The following SRGAP2C variants were observed in gnomAD, a reference collection of about 807,000 sequenced individuals.
SRGAP2C encodes the protein SLIT-ROBO Rho GTPase activating protein 2C.
SRGAP2C carries 15 observed loss-of-function variants against 25.1 expected under a neutral mutation model. The observed-to-expected ratio is 0.60, with a 90% CI of 0.40 to 0.92. The LOEUF (loss-of-function observed/expected upper bound fraction) is 0.92, where lower values mean the gene tolerates loss of function less well. SRGAP2C is among the 40% of genes least tolerant of loss of function. The probability of loss-of-function intolerance (pLI) is 0.00; values close to 1 mark genes in which losing one functional copy is unlikely to be tolerated. For synonymous variants in SRGAP2C, 44 were observed against 96.6 expected (o/e 0.46, Z 3.19); for missense variants, 144 against 264.4 (o/e 0.54, Z 3.16).
rs1463106892 is a variant in SRGAP2C, at chr1:121,360,790, G to C, written c.424-4503G>C. The stretch of plus-strand genomic sequence containing the variant: ...ATGTATGGTGGTGCTTCTGCTGCCA[G>C]AGCTTAATACAGGGTCATGTTCCTT... On this transcript the variant is annotated intron_variant, in intron 4 of 9. Transcript: ENST00000367123. 3.5e-5 allele frequency: 5 copies of C among 142,676 alleles called. No homozygotes were observed. In the East Asian group the frequency reaches 1.1e-3, roughly 31 times the overall value. The allele number at this position is 142,676 out of a possible 1,614,324, so 8.8% of individuals were successfully genotyped here.
rs1217382493 is a variant in SRGAP2C at position 121,303,433 on chromosome 1, C to A, written c.260+18438C>A. On this transcript the variant is annotated intron_variant, in intron 3 of 9. Transcript: ENST00000367123. ...CTGTGTCTTATTGATATGTCCCCAT[C>A]GTTCTTTGAGCACTTCCTTACTTTG... Among the ~76,000 whole-genome samples the A allele has an allele frequency of 5.3e-3, 800 of 152,090 alleles. 10 individuals are homozygous for A. The highest frequency in any genetic ancestry group is 0.018 in the African/African-American group (744 of 41,452).
At chr1:121,272,462 T>C (rs1185844287) in intron 2 of SRGAP2C, among the ~76,000 whole-genome samples, 1 of 151,560 alleles carries the variant, frequency 6.6e-6, no homozygotes, top group Non-Finnish European at 1.5e-5. Flanking sequence ...GGCATGGACT[T>C]TTTCCTGCTA....
intron 3 of SRGAP2C, among the ~76,000 whole-genome samples, chr1:121,300,144 A>C (rs1657672343): frequency 7.2e-6 from 1 of 138,836 alleles, no homozygotes; most frequent in Admixed American, 7.3e-5. Flanking sequence ...ATACATGTGC[A>C]TACAAATACA....
intron 3 of SRGAP2C, among the ~76,000 whole-genome samples, chr1:121,287,552 A>G (rs1191795316): frequency 2.6e-5 from 4 of 151,684 alleles, no homozygotes; most frequent in Admixed American, 6.6e-5. Flanking sequence ...TTAAAATAGC[A>G]TTTGATTTTT....
chr1:121,345,348 A>G (rs1553343544), intron 4 of SRGAP2C, among the ~76,000 whole-genome samples: 2 of 152,132 alleles, frequency 1.3e-5, no homozygotes, highest in African/African-American at 4.8e-5. Flanking sequence ...GATTTTACCA[A>G]GAGAGTGCCA....
intron 2 of SRGAP2C, among the ~76,000 whole-genome samples, chr1:121,259,879 G>C (rs1466735250): frequency 8.3e-6 from 1 of 119,954 alleles, no homozygotes; most frequent in South Asian, 2.8e-4. Context: ...AAGAGACAAG[G>C]TCTCTCTCTC....
intron 3 of SRGAP2C, among the ~76,000 whole-genome samples, chr1:121,289,372 G>A (rs1398027656): frequency 2.6e-5 from 4 of 151,762 alleles, no homozygotes; most frequent in Admixed American, 1.3e-4. Flanking sequence ...ATTGCCCGGG[G>A]CCAGCAGGGC....
chr1:121,236,027 G>T (rs1388478529), intron 2 of SRGAP2C, among the ~76,000 whole-genome samples: 2 of 135,016 alleles, frequency 1.5e-5, no homozygotes, highest in Non-Finnish European at 3.1e-5. Flanking sequence ...ATGGCCTTTT[G>T]ACGTGATCCT....
intron 3 of SRGAP2C, among the ~76,000 whole-genome samples, chr1:121,295,705 T>G (rs1657581134): frequency 6.6e-6 from 1 of 152,070 alleles, no homozygotes; most frequent in Non-Finnish European, 1.5e-5. Flanking sequence ...ATGGTATCTT[T>G]AAAAGAAATA....
intron 2 of SRGAP2C, among the ~76,000 whole-genome samples, chr1:121,278,641 C>T (rs1316607378): frequency 1.3e-5 from 2 of 149,002 alleles, no homozygotes; most frequent in Non-Finnish European, 2.9e-5. Flanking sequence ...TAGGAAAGGA[C>T]ATTGGGAACT....
intron 4 of SRGAP2C, among the ~76,000 whole-genome samples, chr1:121,328,855 C>A (rs1658371886): frequency 6.8e-6 from 1 of 146,174 alleles, no homozygotes; most frequent in African/African-American, 2.5e-5. Context: ...CCACTGTACT[C>A]TAGCTTGAGT....
At chr1:121,335,313 C>A in intron 4 of SRGAP2C, among the ~76,000 whole-genome samples, 1 of 142,168 alleles carries the variant, frequency 7.0e-6, no homozygotes, top group African/African-American at 2.6e-5. Context: ...TGCACTCCAG[C>A]CTGGGAGACA....
At chr1:121,222,369 C>G (rs1401114295) in intron 2 of SRGAP2C, among the ~76,000 whole-genome samples, 1 of 152,114 alleles carries the variant, frequency 6.6e-6, no homozygotes, top group Non-Finnish European at 1.5e-5. Context: ...TGGCTCACAC[C>G]TGTAATCCCA....
At chr1:121,249,572 ATATATATATTTT>A (rs1259693224) in intron 2 of SRGAP2C, among the ~76,000 whole-genome samples, 313 of 27,410 alleles carry the variant, frequency 0.011, 7 homozygotes, top group South Asian at 0.023. Flanking sequence ...ATATATATAT[ATATATATATTTT>A]TTTTTTTTTT....
intron 2 of SRGAP2C, among the ~76,000 whole-genome samples, chr1:121,270,008 T>C (rs1434767666): frequency 6.6e-6 from 1 of 150,676 alleles, no homozygotes; most frequent in Admixed American, 6.7e-5. Context: ...CCAACTTGCA[T>C]GCTCCCATTT....
At chr1:121,263,284 A>T (rs1352005910) in intron 2 of SRGAP2C, among the ~76,000 whole-genome samples, 9 of 151,382 alleles carry the variant, frequency 5.9e-5, no homozygotes, top group Non-Finnish European at 1.2e-4. Context: ...AGATCACACC[A>T]CTGCACTCTA....
At chr1:121,275,593 T>C (rs782359626) in intron 2 of SRGAP2C, among the ~76,000 whole-genome samples, 10 of 145,366 alleles carry the variant, frequency 6.9e-5, no homozygotes, top group Non-Finnish European at 1.5e-4. Context: ...TTTAACTTGC[T>C]TTTGAGTCAC....
chr1:121,222,432 C>T (rs781233567), intron 2 of SRGAP2C, among the ~76,000 whole-genome samples: 2 of 152,030 alleles, frequency 1.3e-5, no homozygotes, highest in Non-Finnish European at 2.9e-5. Flanking sequence ...AGATCGAGAG[C>T]AGCCTGGGCA....
At chr1:121,193,667 C>CTTTTTTTTTT (rs60707143) in intron 2 of SRGAP2C, among the ~76,000 whole-genome samples, 32 of 19,686 alleles carry the variant, frequency 1.6e-3, no homozygotes, top group Non-Finnish European at 2.2e-3. Flanking sequence ...GTTCTTTTTT[C>CTTTTTTTTTT]TTTTTTTTTT....
Sources: gnomAD v4.1 joint callset for allele counts (sites outside exome capture counted in the v4.1 genomes callset) on GRCh38, gnomAD v4.1.1 for gene constraint, MANE v1.5 for transcripts, NCBI Gene and HGNC (gene_info 2026-07-23, HGNC 2026-07-21) for gene names.